The following CECR2 variants were observed in gnomAD, a reference collection of about 807,000 sequenced individuals.
CECR2 encodes chromatin remodeling regulator CECR2.
Under a neutral mutation model 154.5 loss-of-function variants are expected in CECR2, and 30 were observed. The observed-to-expected ratio is 0.19, with a 90% CI of 0.15 to 0.26. CECR2 has a LOEUF of 0.26. CECR2 is among the 10% of genes least tolerant of loss of function. The pLI is 1.00. For missense variants in CECR2, 1,743 were observed against 1,829.3 expected (o/e 0.95, Z 0.86); for synonymous variants, 725 against 683.7 (o/e 1.06, Z -0.94).
At chr22:17,392,229 C>T (rs957369115) in intron 1 of CECR2, among the ~76,000 whole-genome samples, 1 of 152,086 alleles carries the variant, frequency 6.6e-6, no homozygotes, top group Non-Finnish European at 1.5e-5. Context: ...GGAGACCAGC[C>T]TGGGAACATA....
chr22:17,469,914 C>T (rs548700649), intron 1 of CECR2, among the ~76,000 whole-genome samples: 2 of 152,230 alleles, frequency 1.3e-5, no homozygotes, highest in South Asian at 2.1e-4. Flanking sequence ...TGGTTTTTTG[C>T]CTGTCCTCCC....
chr22:17,476,806 C>T (rs2055215019), intron 1 of CECR2, among the ~76,000 whole-genome samples: 1 of 152,146 alleles, frequency 6.6e-6, no homozygotes, highest in Non-Finnish European at 1.5e-5. Flanking sequence ...GCCTAGAAAA[C>T]ATTCTGTCAT....
chr22:17,404,679 C>G (rs958746690), intron 1 of CECR2, among the ~76,000 whole-genome samples: 1 of 152,058 alleles, frequency 6.6e-6, no homozygotes, highest in Admixed American at 6.6e-5. Flanking sequence ...GGCCCTGGAC[C>G]CTGTTCTATG....
intron 9 of CECR2, among the ~76,000 whole-genome samples, chr22:17,531,911 G>T (rs1353118485): frequency 1.3e-5 from 2 of 152,190 alleles, no homozygotes; most frequent in Non-Finnish European, 2.9e-5. Context: ...GCTCATGCCT[G>T]TAATCCCAGC....
chr22:17,380,956 T>C (rs1444269372), intron 1 of CECR2, among the ~76,000 whole-genome samples: 1 of 152,206 alleles, frequency 6.6e-6, no homozygotes, highest in East Asian at 1.9e-4. Context: ...TCTACTTCTT[T>C]AGCAAATCCT....
chr22:17,377,014 G>A (rs2063126739), intron 1 of CECR2, among the ~76,000 whole-genome samples: 1 of 152,212 alleles, frequency 6.6e-6, no homozygotes, highest in East Asian at 1.9e-4. Context: ...TTCTTAGGCA[G>A]ATGACTGTGG....
chr22:17,426,437 A>G (rs140700508), intron 1 of CECR2, among the ~76,000 whole-genome samples: 1,741 of 152,034 alleles, frequency 0.011, 42 homozygotes, highest in African/African-American at 0.04. Context: ...GCTCACTGCA[A>G]CCTCCGCCTC....
At chr22:17,453,475 G>T (rs969042040) in intron 1 of CECR2, among the ~76,000 whole-genome samples, 6 of 152,128 alleles carry the variant, frequency 3.9e-5, no homozygotes, top group Non-Finnish European at 1.5e-5. Flanking sequence ...TGTATTTAGA[G>T]TAGTATGTGG....
At chr22:17,394,167 G>A (rs905012076) in intron 1 of CECR2, among the ~76,000 whole-genome samples, 6 of 147,122 alleles carry the variant, frequency 4.1e-5, no homozygotes, top group Admixed American at 2.0e-4. Flanking sequence ...GATTACAGGC[G>A]TGAGCCACCG....
intron 1 of CECR2, among the ~76,000 whole-genome samples, chr22:17,474,542 A>G (rs1045577946): frequency 6.6e-6 from 1 of 152,362 alleles, no homozygotes; most frequent in East Asian, 1.9e-4. Flanking sequence ...CACTCCTGAC[A>G]TTATTGCTAC....
At position 17,409,290 on chromosome 22, in the gene CECR2, A is replaced by G. The variant is rs1348913172; in HGVS notation, c.126+39381A>G. Among the ~76,000 whole-genome samples, 4 of 109,574 alleles carry G rather than the reference A, an allele frequency of 3.7e-5. 1 individual carries two copies. Among genetic ancestry groups the G allele is most frequent in the Non-Finnish European group, 8.7e-5 (4 of 45,964 alleles). 71.9% of individuals were successfully genotyped at this position (109,574 alleles called of 152,430 possible). A position where few individuals can be genotyped will look rare whatever the true frequency, so the allele number is the denominator to read the frequency against. ...TGGGATTACAGGCGCCCGCCACCAC[A>G]CCCAGCTAATTTTTGTATTTTTAAT... On this transcript the variant is annotated intron_variant, in intron 1 of 18. Transcript: ENST00000262608.
rs941073007 is a variant in CECR2 at position 17,555,676 on chromosome 22, A to G, written c.*2836A>G. ...GCATTTGCCATCTTCTCCATTAGGA[A>G]AATGATGGTTATGTGATATGTTATA... On this transcript the variant is annotated 3_prime_UTR_variant, in exon 19 of 19. Coordinates refer to ENST00000262608, the MANE Select transcript of CECR2 (RefSeq NM_001290047.2). 3 of 152,244 alleles carry G rather than the reference A, an allele frequency of 2.0e-5. No individual in the cohort carries two copies. Among genetic ancestry groups the G allele is most frequent in the African/African-American group, 7.2e-5 (3 of 41,454 alleles). 9.4% of individuals were successfully genotyped at this position (152,244 alleles called of 1,614,324 possible).
chr22:17,511,792 C>T (rs1039061518), intron 7 of CECR2, 21 bp from the exon 8 acceptor site: 4 of 1,599,154 alleles, frequency 2.5e-6, no homozygotes, highest in African/African-American at 2.7e-5. Context: ...TTTCCTTTCT[C>T]TTCTTCACTT....
intron 1 of CECR2, among the ~76,000 whole-genome samples, chr22:17,392,438 A>C (rs2146508702): frequency 6.6e-6 from 1 of 152,272 alleles, no homozygotes; most frequent in South Asian, 2.1e-4. Context: ...CAGTGAGCCA[A>C]GATCGTGCCA....
At chr22:17,531,700 C>T (rs2056358057) in intron 9 of CECR2, among the ~76,000 whole-genome samples, 1 of 152,092 alleles carries the variant, frequency 6.6e-6, no homozygotes, top group Non-Finnish European at 1.5e-5. Context: ...CCCTGATCCT[C>T]AGATACAGAA....
At chr22:17,361,669 C>T (rs917780624) in intron 1 of CECR2, among the ~76,000 whole-genome samples, 10 of 150,814 alleles carry the variant, frequency 6.6e-5, no homozygotes, top group South Asian at 2.1e-4. Context: ...AACCCGGGGG[C>T]TGGGGGGAGG....
chr22:17,457,982 G>C (rs959397523), intron 1 of CECR2, among the ~76,000 whole-genome samples: 1 of 152,160 alleles, frequency 6.6e-6, no homozygotes, highest in Non-Finnish European at 1.5e-5. Context: ...GAACAGATTA[G>C]TGGTTGCCAA....
intron 1 of CECR2, among the ~76,000 whole-genome samples, chr22:17,439,284 A>T (rs5992052): frequency 6.6e-6 from 1 of 151,928 alleles, no homozygotes; most frequent in African/African-American, 2.4e-5. Flanking sequence ...TCCAGTTACC[A>T]AATTTACTAC....
intron 1 of CECR2, among the ~76,000 whole-genome samples, chr22:17,415,380 G>C (rs1299240189): frequency 2.6e-5 from 4 of 152,008 alleles, no homozygotes; most frequent in Non-Finnish European, 5.9e-5. Context: ...TGGGATCACA[G>C]ACAGGGGCGC....
Sources: gnomAD v4.1 joint callset for allele counts (sites outside exome capture counted in the v4.1 genomes callset) on GRCh38, gnomAD v4.1.1 for gene constraint, MANE v1.5 for transcripts, NCBI Gene and HGNC (gene_info 2026-07-23, HGNC 2026-07-21) for gene names.